Variants in RNGTT observed in about 807,000 individuals in gnomAD.
The protein encoded by RNGTT is RNA guanylyltransferase and 5'-phosphatase, also known as mRNA-capping enzyme.
Under a neutral mutation model 79.3 loss-of-function variants are expected in RNGTT, and 33 were observed. The observed-to-expected ratio is 0.42, with a 90% confidence interval of 0.32 to 0.56. RNGTT has a LOEUF of 0.56. Ranked by LOEUF, RNGTT falls within the 20% of genes least tolerant of loss-of-function variation. The pLI, the probability that RNGTT is intolerant of heterozygous loss-of-function variation, is 0.17. For missense variants in RNGTT, 497 were observed against 739.1 expected, an observed-to-expected ratio of 0.67 and a Z score of 3.80; for synonymous variants, 222 against 235.9, an observed-to-expected ratio of 0.94 and a Z score of 0.54.
chr6:88,824,613 A>G (rs1486337502), intron 11 of RNGTT, among the ~76,000 whole-genome samples: 1 of 152,238 alleles, frequency 6.6e-6, no homozygotes, highest in East Asian at 1.9e-4. Flanking sequence ...GAGGCACTGT[A>G]GTACATAGCA....
chr6:88,775,724 G>A (rs1006169966), intron 12 of RNGTT, among the ~76,000 whole-genome samples: 1 of 152,058 alleles, frequency 6.6e-6, no homozygotes, highest in African/African-American at 2.4e-5. Flanking sequence ...CTTCATAATA[G>A]GTGTTTTTTG....
chr6:88,719,592 T>C (rs958502905), intron 13 of RNGTT, among the ~76,000 whole-genome samples: 4 of 152,244 alleles, frequency 2.6e-5, no homozygotes, highest in Non-Finnish European at 5.9e-5. Flanking sequence ...CAGTGTTTAC[T>C]CTGTGAAACT....
Position 88,612,660 on chromosome 6 carries a change from G to T in RNGTT, c.*59C>A. ...TTCAATTTCTCTGGCTACAAAAATG[G>T]GCAACAGCGTTTTTTCCTCATTCCT... On this transcript the variant is annotated 3_prime_UTR_variant, in exon 16 of 16. Coordinates refer to ENST00000369485, the MANE Select transcript of RNGTT (RefSeq NM_003800.5). 1 of 1,484,008 alleles carries T rather than the reference G, an allele frequency of 6.7e-7. No individual in the cohort carries two copies. The highest frequency in any genetic ancestry group is 9.2e-7 in the Non-Finnish European group (1 of 1,089,772). 91.9% of individuals were successfully genotyped at this position (1,484,008 alleles called of 1,614,324 possible).
At chr6:88,917,919 T>G (rs2127948814) in intron 4 of RNGTT, among the ~76,000 whole-genome samples, 1 of 152,126 alleles carries the variant, frequency 6.6e-6, no homozygotes, top group East Asian at 1.9e-4. Context: ...CATGATGGGC[T>G]TCAAAGAACA....
At chr6:88,732,063 AG>A (rs1413360482) in intron 13 of RNGTT, among the ~76,000 whole-genome samples, 1 of 152,156 alleles carries the variant, frequency 6.6e-6, no homozygotes, top group Non-Finnish European at 1.5e-5. Flanking sequence ...GAAGAAGAGG[AG>A]GGTTGGTCTT....
chr6:88,671,652 G>A (rs1384854737), intron 14 of RNGTT, among the ~76,000 whole-genome samples: 1 of 152,124 alleles, frequency 6.6e-6, no homozygotes, highest in Non-Finnish European at 1.5e-5. Flanking sequence ...GCCAAAGCAA[G>A]CCTAAGCAAA....
chr6:88,825,158 T>G (rs1780616367), intron 11 of RNGTT, among the ~76,000 whole-genome samples: 1 of 152,242 alleles, frequency 6.6e-6, no homozygotes, highest in Admixed American at 6.5e-5. Flanking sequence ...GTCTGTCAGT[T>G]ATCATAGAGC....
intron 13 of RNGTT, among the ~76,000 whole-genome samples, chr6:88,765,610 A>G (rs1778434276): frequency 6.6e-6 from 1 of 152,200 alleles, no homozygotes; most frequent in Admixed American, 6.5e-5. Flanking sequence ...TACAAAATAA[A>G]CATTATTCCT....
At chr6:88,769,928 T>G in intron 12 of RNGTT, 54 bp from the exon 13 acceptor site, 1 of 1,213,014 alleles carries the variant, frequency 8.2e-7, no homozygotes, top group African/African-American at 1.5e-5. Context: ...AAATTAAACA[T>G]TCAATGTATT....
chr6:88,745,295 T>C (rs987358813), intron 13 of RNGTT, among the ~76,000 whole-genome samples: 2 of 152,202 alleles, frequency 1.3e-5, no homozygotes, highest in African/African-American at 4.8e-5. Context: ...TGTGGTATTC[T>C]TGCAAAAAGT....
intron 2 of RNGTT, among the ~76,000 whole-genome samples, chr6:88,931,766 G>A (rs1015072921): frequency 2.0e-5 from 3 of 152,102 alleles, no homozygotes; most frequent in African/African-American, 4.8e-5. Flanking sequence ...CAGAGGGACC[G>A]GCTGAAGCCA....
intron 6 of RNGTT, among the ~76,000 whole-genome samples, chr6:88,895,665 C>G (rs529748874): frequency 6.6e-6 from 1 of 152,238 alleles, no homozygotes; most frequent in South Asian, 2.1e-4. Flanking sequence ...AAAATAGTCA[C>G]TCTTAGATTG....
intron 13 of RNGTT, among the ~76,000 whole-genome samples, chr6:88,710,962 T>A (rs1335514243): frequency 2.6e-5 from 4 of 152,178 alleles, no homozygotes; most frequent in Non-Finnish European, 4.4e-5. Context: ...TCCTTTCCAA[T>A]TCACAATATG....
intron 11 of RNGTT, among the ~76,000 whole-genome samples, chr6:88,842,084 T>C (rs1040099267): frequency 6.6e-6 from 1 of 152,098 alleles, no homozygotes; most frequent in Admixed American, 6.6e-5. Flanking sequence ...CAAGAATGTC[T>C]TACGAATATT....
At chr6:88,633,975 C>T (rs573108019) in intron 14 of RNGTT, among the ~76,000 whole-genome samples, 1 of 152,268 alleles carries the variant, frequency 6.6e-6, no homozygotes, top group South Asian at 2.1e-4. Flanking sequence ...CATCCTATTG[C>T]ATCATATTCA....
At chr6:88,782,806 TA>T (rs1779107948) in intron 12 of RNGTT, among the ~76,000 whole-genome samples, 1 of 152,172 alleles carries the variant, frequency 6.6e-6, no homozygotes, top group South Asian at 2.1e-4. Flanking sequence ...TCAGCATTTC[TA>T]ATCAGCAGGG....
At chr6:88,732,570 G>T (rs189015525) in intron 13 of RNGTT, among the ~76,000 whole-genome samples, 5 of 152,260 alleles carry the variant, frequency 3.3e-5, no homozygotes, top group Admixed American at 2.6e-4. Flanking sequence ...GCTCATAATA[G>T]CATTATTCAC....
At chr6:88,811,410 G>T (rs1056963346) in intron 11 of RNGTT, among the ~76,000 whole-genome samples, 6 of 152,134 alleles carry the variant, frequency 3.9e-5, no homozygotes, top group African/African-American at 1.4e-4. Flanking sequence ...ATGTAGCATG[G>T]ACCAAAGATT....
chr6:88,872,747 C>G (rs1370654487), intron 8 of RNGTT, among the ~76,000 whole-genome samples: 1 of 152,060 alleles, frequency 6.6e-6, no homozygotes, highest in African/African-American at 2.4e-5. Context: ...AGCAGATGCA[C>G]TATTTCAATA....
Sources: allele counts gnomAD v4.1 joint callset (sites outside exome capture counted in the v4.1 genomes callset), GRCh38; gene constraint gnomAD v4.1.1; transcripts MANE v1.5; gene names NCBI Gene and HGNC (gene_info 2026-07-23, HGNC 2026-07-21).